LMNTD1: variants seen among roughly 807,000 people sequenced by gnomAD.
LMNTD1 encodes lamin tail domain containing 1.
A neutral mutation model predicts 50.9 loss-of-function variants in LMNTD1; 35 were observed. That is an observed-to-expected ratio of 0.69 (90% CI 0.53 to 0.91). LMNTD1 has a LOEUF of 0.91. LMNTD1 is among the 40% of genes least tolerant of loss of function. The probability of loss-of-function intolerance (pLI) is 0.00; values close to 1 mark genes in which losing one functional copy is unlikely to be tolerated. For synonymous variants in LMNTD1, 153 were observed against 161.9 expected, an observed-to-expected ratio of 0.94 and a Z score of 0.42; for missense variants, 470 against 475.5, an observed-to-expected ratio of 0.99 and a Z score of 0.11.
intron 1 of LMNTD1, among the ~76,000 whole-genome samples, chr12:25,641,760 A>G (rs1451384964): frequency 2.0e-5 from 3 of 146,826 alleles, no homozygotes; most frequent in East Asian, 1.9e-4. Flanking sequence ...TCCACAGAAT[A>G]TAATATAAGA....
intron 1 of LMNTD1, among the ~76,000 whole-genome samples, chr12:25,563,814 CTTTG>C (rs1272468788): frequency 6.6e-6 from 1 of 152,200 alleles, no homozygotes; most frequent in Admixed American, 6.5e-5. Flanking sequence ...TTTCAGGCCG[CTTTG>C]TTTACCTACT....
chr12:25,577,131 T>C (rs1307168743), intron 1 of LMNTD1, among the ~76,000 whole-genome samples: 2 of 152,172 alleles, frequency 1.3e-5, no homozygotes, highest in Admixed American at 6.5e-5. Flanking sequence ...AGTGTGATGC[T>C]GCCAGCTTTG....
At chr12:25,507,123 A>G (rs564768670) in intron 8 of LMNTD1, among the ~76,000 whole-genome samples, 290 of 152,094 alleles carry the variant, frequency 1.9e-3, no homozygotes, top group African/African-American at 6.8e-3. Context: ...TGATGCACCC[A>G]CCTCGGCCTC....
rs1394989368 is a variant in LMNTD1, at chr12:25,518,804, G to A, written c.1180C>T (p.Arg394Ter). The A allele has an allele frequency of 3.1e-6, 5 of 1,614,014 alleles. No individual in the cohort carries two copies. Among genetic ancestry groups the A allele is most frequent in the Admixed American group, 3.3e-5 (2 of 60,012 alleles). Reference sequence around the variant, plus strand: ...CACTCTTTTAACTGACCTGAGGCTCGATTAGGTCTGGTTGACCGAGTCCTG... The same window carrying A: ...CACTCTTTTAACTGACCTGAGGCTCAATTAGGTCTGGTTGACCGAGTCCTG... ...QPRTRSTRPN[R>*]ASGSKKKKTS... The change falls in exon 8 of 10, where the codon CGA becomes TGA. Residue 394 changes from arginine (R) to a stop codon, truncating the protein, a stop_gained. Coordinates refer to ENST00000458174, the MANE Select transcript of LMNTD1 (RefSeq NM_001145728.2). LOFTEE classifies it high-confidence loss of function.
At chr12:25,628,021 T>C (rs904835045) in intron 1 of LMNTD1, among the ~76,000 whole-genome samples, 3 of 134,138 alleles carry the variant, frequency 2.2e-5, no homozygotes, top group African/African-American at 5.7e-5. Context: ...GGCAGGAGAA[T>C]GGCGTGAACC....
intron 1 of LMNTD1, among the ~76,000 whole-genome samples, chr12:25,560,747 C>T (rs1249435560): frequency 6.6e-6 from 1 of 151,400 alleles, no homozygotes; most frequent in Non-Finnish European, 1.5e-5. Context: ...TTCTCCTTCA[C>T]ATCCCTTATA....
At chr12:25,608,745 C>T (rs541382789) in intron 1 of LMNTD1, among the ~76,000 whole-genome samples, 2 of 152,298 alleles carry the variant, frequency 1.3e-5, no homozygotes, top group Non-Finnish European at 2.9e-5. Context: ...TCTCTGGCTG[C>T]CCTTAGCATT....
intron 1 of LMNTD1, among the ~76,000 whole-genome samples, chr12:25,593,245 G>A (rs973138450): frequency 1.3e-5 from 2 of 152,118 alleles, no homozygotes; most frequent in East Asian, 3.9e-4. Context: ...CCTGGCAAGA[G>A]GCCAACCATC....
At chr12:25,579,209 C>A (rs1310699494) in intron 1 of LMNTD1, among the ~76,000 whole-genome samples, 1 of 152,178 alleles carries the variant, frequency 6.6e-6, no homozygotes, top group Non-Finnish European at 1.5e-5. Flanking sequence ...ATTCACCCAA[C>A]AGCAGATCAA....
At chr12:25,518,714 T>G (rs1940986590) in intron 8 of LMNTD1, 81 bp downstream of exon 8, 1 of 1,257,018 alleles carries the variant, frequency 8.0e-7, no homozygotes, top group Admixed American at 2.0e-5. Flanking sequence ...TTAGCACATT[T>G]TAACCACTTA....
At chr12:25,615,437 CA>C (rs550841782) in intron 1 of LMNTD1, among the ~76,000 whole-genome samples, 208 of 151,942 alleles carry the variant, frequency 1.4e-3, no homozygotes, top group African/African-American at 4.8e-3. Context: ...ATAGCAGAAC[CA>C]TATCCTTTTT....
At chr12:25,586,723 T>C (rs1367457925) in intron 1 of LMNTD1, among the ~76,000 whole-genome samples, 1 of 152,104 alleles carries the variant, frequency 6.6e-6, no homozygotes, top group Non-Finnish European at 1.5e-5. Context: ...CAACCAACAA[T>C]ATAGGAAGGG....
intron 1 of LMNTD1, among the ~76,000 whole-genome samples, chr12:25,639,679 G>A (rs1362515174): frequency 6.6e-6 from 1 of 152,146 alleles, no homozygotes; most frequent in Non-Finnish European, 1.5e-5. Flanking sequence ...GTGAACAAAT[G>A]GGAAGCTTTG....
intron 1 of LMNTD1, among the ~76,000 whole-genome samples, chr12:25,629,107 T>C (rs966394570): frequency 6.6e-6 from 1 of 152,108 alleles, no homozygotes; most frequent in Non-Finnish European, 1.5e-5. Flanking sequence ...TAAAGAAAAT[T>C]AACTAAATCT....
intron 1 of LMNTD1, among the ~76,000 whole-genome samples, chr12:25,619,254 A>C (rs1626491): frequency 0.043 from 2,772 of 65,026 alleles, 39 homozygotes; most frequent in African/African-American, 0.13. Flanking sequence ...CTCTCTCTCT[A>C]TATATATATA....
intron 9 of LMNTD1, among the ~76,000 whole-genome samples, chr12:25,478,867 G>A (rs975257413): frequency 2.0e-5 from 3 of 149,092 alleles, no homozygotes; most frequent in Non-Finnish European, 4.5e-5. Context: ...AAACATCTCA[G>A]CAGGTCATGA....
At chr12:25,576,333 C>T (rs1945017760) in intron 1 of LMNTD1, among the ~76,000 whole-genome samples, 1 of 152,196 alleles carries the variant, frequency 6.6e-6, no homozygotes, top group Non-Finnish European at 1.5e-5. Context: ...CTTATTTCTC[C>T]ACATCCTCTC....
chr12:25,599,000 G>A (rs557196637), intron 1 of LMNTD1, among the ~76,000 whole-genome samples: 10 of 151,816 alleles, frequency 6.6e-5, no homozygotes, highest in African/African-American at 2.2e-4. Flanking sequence ...CTTATTCTAC[G>A]AGGCCAGTAT....
chr12:25,628,090 A>T (rs1163163202), intron 1 of LMNTD1, among the ~76,000 whole-genome samples: 1 of 128,072 alleles, frequency 7.8e-6, no homozygotes, highest in Non-Finnish European at 1.6e-5. Context: ...CCTGGGCGAC[A>T]GAGTGAAACT....
Sources: gnomAD v4.1 joint callset for allele counts (sites outside exome capture counted in the v4.1 genomes callset) on GRCh38, gnomAD v4.1.1 for gene constraint, MANE v1.5 for transcripts, NCBI Gene and HGNC (gene_info 2026-07-23, HGNC 2026-07-21) for gene names.